Variants in CDC27 observed in about 807,000 individuals in gnomAD.
CDC27 encodes cell division cycle 27, also known as cell division cycle protein 27 homolog.
In CDC27, 27 loss-of-function variants were observed where a neutral mutation model predicts 109.7. The observed-to-expected ratio is 0.25, with a 90% CI of 0.18 to 0.34. CDC27 has a LOEUF of 0.34. CDC27 is among the 10% of genes least tolerant of loss of function. CDC27 has a pLI of 1.00. For synonymous variants in CDC27, 266 were observed against 333.9 expected (o/e 0.80, Z 2.22); for missense variants, 579 against 960.2 (o/e 0.60, Z 5.25).
intron 12 of CDC27, among the ~76,000 whole-genome samples, chr17:47,139,229 C>T (rs996845076): frequency 2.6e-5 from 4 of 151,086 alleles, no homozygotes; most frequent in African/African-American, 9.7e-5. Context: ...TCAAAAACCT[C>T]ATTTCCAAGT....
chr17:47,159,773 G>A, intron 4 of CDC27: 1 of 428,676 alleles, frequency 2.3e-6, no homozygotes, highest in South Asian at 1.9e-5. Flanking sequence ...GTGCTTGAGA[G>A]AGGCCCCCAG....
intron 8 of CDC27, among the ~76,000 whole-genome samples, chr17:47,152,172 AC>A (rs1598484921): frequency 6.6e-6 from 1 of 152,148 alleles, no homozygotes; most frequent in East Asian, 1.9e-4. Flanking sequence ...TGTTTCAAAG[AC>A]TAAAAATCCC....
At chr17:47,124,288 C>CTATCTATTT (rs1420162389) in intron 16 of CDC27, among the ~76,000 whole-genome samples, 1 of 55,232 alleles carries the variant, frequency 1.8e-5, no homozygotes, top group Non-Finnish European at 4.6e-5. Context: ...TCTATCTATT[C>CTATCTATTT]ATTTTTATTT....
intron 8 of CDC27, among the ~76,000 whole-genome samples, chr17:47,152,155 C>T (rs1034548962): frequency 6.6e-6 from 1 of 152,060 alleles, no homozygotes; most frequent in Non-Finnish European, 1.5e-5. Flanking sequence ...TTTCATCTTT[C>T]GCTTTTTGTT....
At chr17:47,186,729 C>T (rs1033745625) in intron 1 of CDC27, among the ~76,000 whole-genome samples, 9 of 151,888 alleles carry the variant, frequency 5.9e-5, no homozygotes, top group Non-Finnish European at 8.8e-5. Context: ...TATGGTATAT[C>T]GGACTGGCCA....
intron 9 of CDC27, among the ~76,000 whole-genome samples, chr17:47,150,942 G>C (rs1020097397): frequency 1.3e-5 from 2 of 152,086 alleles, no homozygotes; most frequent in African/African-American, 4.8e-5. Flanking sequence ...TGAGGCAGGA[G>C]AATCACTTGA....
At chr17:47,181,463 A>G in intron 2 of CDC27, 99 bp downstream of exon 2, 1 of 629,244 alleles carries the variant, frequency 1.6e-6, no homozygotes. Context: ...AAAAACAACA[A>G]GATGATGATA....
chr17:47,133,656 C>A (rs2062469078), intron 14 of CDC27, among the ~76,000 whole-genome samples: 1 of 151,520 alleles, frequency 6.6e-6, no homozygotes, highest in Non-Finnish European at 1.5e-5. Flanking sequence ...TCAGGCTGGT[C>A]TCGAACTCCC....
chr17:47,154,961 T>C, intron 7 of CDC27, 175 bp from the exon 8 acceptor site: 1 of 412,874 alleles, frequency 2.4e-6, no homozygotes, highest in East Asian at 3.6e-5. Context: ...CCACCCACCA[T>C]AACTAAAATT....
chr17:47,146,877 C>A, intron 9 of CDC27, among the ~76,000 whole-genome samples: 1 of 151,824 alleles, frequency 6.6e-6, no homozygotes, highest in Non-Finnish European at 1.5e-5. Flanking sequence ...ACAGCCTGAG[C>A]AACACAGCAA....
chr17:47,142,446 G>C lies in CDC27; in HGVS notation c.1171-10C>G, dbSNP rs1040063823. On this transcript the variant is annotated splice_polypyrimidine_tract_variant and intron_variant, in intron 10 of 18. Coordinates refer to ENST00000066544, the MANE Select transcript of CDC27 (RefSeq NM_001256.6). ...ATTTTTTGCTATTCTCCTGTAAAAG[G>C]GAAGAAATTTCACACCTGTTATACT... 2 of 1,289,656 alleles carry C rather than the reference G, an allele frequency of 1.6e-6. No homozygotes were observed. The highest frequency in any genetic ancestry group is 3.0e-5 in the African/African-American group (2 of 67,454). The allele number at this position is 1,289,656 out of a possible 1,614,324, so 79.9% of individuals were successfully genotyped here. A position where few individuals can be genotyped will look rare whatever the true frequency, so the allele number is the denominator to read the frequency against.
intron 4 of CDC27, among the ~76,000 whole-genome samples, chr17:47,164,986 GTTACATCC>G (rs2063601860): frequency 6.6e-6 from 1 of 152,096 alleles, no homozygotes; most frequent in African/African-American, 2.4e-5. Flanking sequence ...CCCCTAAATA[GTTACATCC>G]TCACCCTAAC....
intron 13 of CDC27, among the ~76,000 whole-genome samples, chr17:47,138,244 T>C (rs1411774863): frequency 6.6e-6 from 1 of 152,224 alleles, no homozygotes; most frequent in Non-Finnish European, 1.5e-5. Flanking sequence ...TCAGTGTTCA[T>C]GTTGACTACA....
chr17:47,151,618 T>C (rs2063153044), intron 9 of CDC27, among the ~76,000 whole-genome samples, 188 bp downstream of exon 9: 1 of 152,246 alleles, frequency 6.6e-6, no homozygotes, highest in Non-Finnish European at 1.5e-5. Context: ...AACTATTGTC[T>C]TCTGTGCATT....
At position 47,142,233 on chromosome 17, in the gene CDC27, T is replaced by C. The variant is rs1258087544; in HGVS notation, c.1374A>G (p.Ala458=). 1.9e-6 allele frequency: 3 copies of C among 1,570,794 alleles called. No individual in the cohort carries two copies. The African/African-American group carries it at 4.1e-5, about 21-fold the overall frequency. Residue 458 remains alanine, a synonymous_variant, in exon 11 of 19, where the codon GCA becomes GCG. Coordinates refer to ENST00000066544, the MANE Select transcript of CDC27 (RefSeq NM_001256.6). ...QIQAFNLQKA[A]AEGLMSLLRE... ...TATTAAGCATTTAAAACAGACCTGC[T>C]GCTGCTTTTTGTAGATTAAAGGCCT...
intron 8 of CDC27, among the ~76,000 whole-genome samples, chr17:47,154,346 T>G (rs2063235869): frequency 6.6e-6 from 1 of 152,118 alleles, no homozygotes; most frequent in Non-Finnish European, 1.5e-5. Context: ...TCAAGTAATA[T>G]AAACAATATT....
At chr17:47,170,819 T>A (rs1487893561) in intron 3 of CDC27, 2 of 152,172 alleles carry the variant, frequency 1.3e-5, no homozygotes, top group Non-Finnish European at 2.9e-5. Flanking sequence ...TGCATACTTA[T>A]GCCCGGCACA....
chr17:47,121,528 C>T (rs2061982200), intron 18 of CDC27, among the ~76,000 whole-genome samples: 1 of 152,114 alleles, frequency 6.6e-6, no homozygotes, highest in Non-Finnish European at 1.5e-5. Context: ...GCCTCAAACT[C>T]CTGGGCTCAA....
intron 4 of CDC27, among the ~76,000 whole-genome samples, chr17:47,166,028 T>C (rs2063633478): frequency 6.6e-6 from 1 of 152,234 alleles, no homozygotes; most frequent in South Asian, 2.1e-4. Context: ...ATAGTAATTC[T>C]AGTTTCAATT....
Sources: allele counts gnomAD v4.1 joint callset (sites outside exome capture counted in the v4.1 genomes callset), GRCh38; gene constraint gnomAD v4.1.1; transcripts MANE v1.5; gene names NCBI Gene and HGNC (gene_info 2026-07-23, HGNC 2026-07-21).